Variants in MBP observed in about 807,000 individuals in gnomAD.
MBP encodes myelin basic protein.
A neutral mutation model predicts 35.8 loss-of-function variants in MBP; 16 were observed. That is an observed-to-expected ratio of 0.45 (90% CI 0.30 to 0.68). The LOEUF (loss-of-function observed/expected upper bound fraction) is 0.68. Among genes scored for constraint, MBP ranks in the 30% least tolerant of loss-of-function variants. MBP has a pLI of 0.08. For synonymous variants in MBP, 143 were observed against 159.6 expected, an observed-to-expected ratio of 0.90 and a Z score of 0.78; for missense variants, 380 against 404.7, an observed-to-expected ratio of 0.94 and a Z score of 0.52.
chr18:76,995,335 T>C (rs183080454), intron 4 of MBP, among the ~76,000 whole-genome samples: 1 of 152,328 alleles, frequency 6.6e-6, no homozygotes, highest in African/African-American at 2.4e-5. Context: ...TAGAGACAGG[T>C]GGATTCTAAA....
Position 77,101,145 on chromosome 18 carries a change from G to T in MBP, c.51+4066C>A, listed in dbSNP as rs942700909. Among the ~76,000 whole-genome samples the T allele has an allele frequency of 3.3e-5, 5 of 152,258 alleles. No individual in the cohort carries two copies. Among genetic ancestry groups the T allele is most frequent in the Non-Finnish European group, 7.3e-5 (5 of 68,042 alleles). ...GACCAAGGACTGCCAGGCAGGCAAA[G>T]ACTGCCTAAGACAGGGCATCCCTCT... On this transcript the variant is annotated intron_variant, in intron 2 of 8. Coordinates refer to ENST00000355994, the MANE Select transcript of MBP (RefSeq NM_001025101.2). This position sits in a 1 kb window ranked among gnomAD's most constrained non-coding sequence, Gnocchi z 4.3.
In MBP at chr18:77,060,665, G is replaced by A. The variant is rs1006111828; in HGVS notation, c.139+5633C>T. Among the ~76,000 whole-genome samples the A allele has an allele frequency of 1.5e-4, 23 of 152,022 alleles. 1 individual carries two copies. The highest frequency in any genetic ancestry group is 5.6e-4 in the African/African-American group (23 of 41,372). On this transcript the variant is annotated intron_variant, in intron 3 of 8. Coordinates refer to ENST00000355994, the MANE Select transcript of MBP (RefSeq NM_001025101.2). ...GTGGTTTCCCCGTGTTGGTCAGGCT[G>A]GTCTCGAACTCCTGGCCTCAGGTGA...
Position 77,129,996 on chromosome 18 carries a change from C to T in MBP, c.-26+2584G>A, listed in dbSNP as rs891928682. Among the ~76,000 whole-genome samples, 3 of 150,296 alleles carry T rather than the reference C, an allele frequency of 2.0e-5. No individual in the cohort carries two copies. In the South Asian group the frequency reaches 6.3e-4, roughly 31 times the overall value. On this transcript the variant is annotated intron_variant, in intron 1 of 8. Transcript: ENST00000355994. ...TCCAGAAGGTGGAGGTTGCAGTGAGCCGAGATTGCACCACTGCACTCCAGC... is the reference window on the plus strand; with the variant it reads ...TCCAGAAGGTGGAGGTTGCAGTGAGTCGAGATTGCACCACTGCACTCCAGC...
intron 3 of MBP, among the ~76,000 whole-genome samples, chr18:77,018,098 CATCT>C (rs1298531994): frequency 5.9e-5 from 9 of 152,188 alleles, no homozygotes; most frequent in East Asian, 3.8e-4. Context: ...ACCAGTCATC[CATCT>C]ATCTCTCTAT....
At chr18:77,047,708 C>G (rs1436201777) in intron 3 of MBP, among the ~76,000 whole-genome samples, 1 of 152,072 alleles carries the variant, frequency 6.6e-6, no homozygotes, top group African/African-American at 2.4e-5. Context: ...TTTGTTGCTT[C>G]GACACAACTT....
At chr18:76,987,976 CACAT>C (rs1322894625) in intron 7 of MBP, 2 of 1,232,464 alleles carry the variant, frequency 1.6e-6, no homozygotes. Flanking sequence ...ATTATTTAAA[CACAT>C]ACAAAACAAA....
intron 2 of MBP, among the ~76,000 whole-genome samples, chr18:77,067,648 C>T (rs138659598): frequency 2.6e-5 from 4 of 152,148 alleles, no homozygotes; most frequent in Non-Finnish European, 5.9e-5. Context: ...CCGCGCTGGC[C>T]CTGGTGCTAC....
chr18:77,080,391 C>T (rs1349429039), intron 2 of MBP, among the ~76,000 whole-genome samples: 1 of 152,240 alleles, frequency 6.6e-6, no homozygotes, highest in Admixed American at 6.5e-5. Flanking sequence ...CACTGGGCTC[C>T]TCACCTGGGG....
At chr18:77,091,942 T>G (rs987422216) in intron 2 of MBP, among the ~76,000 whole-genome samples, 2 of 152,154 alleles carry the variant, frequency 1.3e-5, no homozygotes, top group South Asian at 4.1e-4. Flanking sequence ...ATATAAAAAG[T>G]CTCACTTCCA....
chr18:77,044,372 C>T lies in MBP; in HGVS notation c.139+21926G>A, dbSNP rs1049681637. ...CCTCCCCCAACTCTGCTGCAGCTGCCGTGGTGCCAGCCCCCTGCCCCTCTC... is the reference window on the plus strand; with the variant it reads ...CCTCCCCCAACTCTGCTGCAGCTGCTGTGGTGCCAGCCCCCTGCCCCTCTC... On this transcript the variant is annotated intron_variant, in intron 3 of 8. Transcript: ENST00000355994. The surrounding 1 kb of genome is among the most constrained non-coding windows in gnomAD (Gnocchi z 4.4). 1.3e-5 allele frequency among the ~76,000 whole-genome samples: 2 copies of T among 152,060 alleles called. No homozygotes were observed. Among genetic ancestry groups the T allele is most frequent in the African/African-American group, 4.8e-5 (2 of 41,382 alleles).
At position 77,131,391 on chromosome 18, in the gene MBP, ACT is replaced by A. The variant is rs1424225338; in HGVS notation, c.-26+1187_-26+1188del. The A allele has an allele frequency of 9.3e-5, 14 of 150,424 alleles. No homozygotes were observed. Among genetic ancestry groups the A allele is most frequent in the Non-Finnish European group, 1.6e-4 (11 of 67,802 alleles). The allele number at this position is 150,424 out of a possible 1,614,324, so 9.3% of individuals were successfully genotyped here. A position where few individuals can be genotyped will look rare whatever the true frequency, so the allele number is the denominator to read the frequency against. On this transcript the variant is annotated intron_variant, in intron 1 of 8. Transcript: ENST00000355994. This position sits in a 1 kb window ranked among gnomAD's most constrained non-coding sequence, Gnocchi z 5.5. The stretch of plus-strand genomic sequence containing the variant: ...CCCTGACGTTTCCTTCCTCTGAAAA[ACT>A]CTCTTTCCAGGCGGGGCGTTCTGTG...
At chr18:77,063,601 G>A (rs1281891397) in intron 3 of MBP, among the ~76,000 whole-genome samples, 1 of 152,174 alleles carries the variant, frequency 6.6e-6, no homozygotes, top group African/African-American at 2.4e-5. Context: ...CGGTGTCCAA[G>A]GACCTGGGAA....
chr18:76,999,606 A>T (rs1407896434), intron 4 of MBP, among the ~76,000 whole-genome samples: 1 of 151,986 alleles, frequency 6.6e-6, no homozygotes, highest in Non-Finnish European at 1.5e-5. Context: ...GGCATGCACC[A>T]CCATACCTGG....
chr18:76,999,379 G>A (rs1273546885), intron 4 of MBP, among the ~76,000 whole-genome samples: 14 of 152,014 alleles, frequency 9.2e-5, no homozygotes, highest in African/African-American at 2.4e-5. Flanking sequence ...CGCTTGTGAC[G>A]TATAAGGTCA....
intron 4 of MBP, chr18:77,013,326 C>T (rs1971452531): frequency 2.0e-6 from 2 of 985,414 alleles, no homozygotes; most frequent in African/African-American, 3.5e-5. Flanking sequence ...AGGGAGGACA[C>T]CCCTGTGTGT....
chr18:77,007,297 C>T (rs939107625), intron 4 of MBP, among the ~76,000 whole-genome samples: 10 of 152,140 alleles, frequency 6.6e-5, no homozygotes, highest in Non-Finnish European at 1.0e-4. Flanking sequence ...TTCTCAGGGA[C>T]GAGAGAGGGA....
chr18:77,124,743 G>A (rs891373950), intron 1 of MBP, among the ~76,000 whole-genome samples: 3 of 152,214 alleles, frequency 2.0e-5, no homozygotes, highest in Non-Finnish European at 4.4e-5. Context: ...GAGCCAGGTC[G>A]CCTGCAGAGT....
At chr18:77,011,821 T>C (rs1331177667) in intron 4 of MBP, among the ~76,000 whole-genome samples, 1 of 152,250 alleles carries the variant, frequency 6.6e-6, no homozygotes, top group Admixed American at 6.5e-5. Flanking sequence ...GAAAAAACTT[T>C]TAAAAACATT....
At chr18:77,029,296 A>C (rs1256066337) in intron 3 of MBP, among the ~76,000 whole-genome samples, 1 of 149,820 alleles carries the variant, frequency 6.7e-6, no homozygotes, top group African/African-American at 2.4e-5. Context: ...CTGCAATCGC[A>C]GGCACTCGGC....
Sources: gnomAD v4.1 joint callset for allele counts (sites outside exome capture counted in the v4.1 genomes callset) on GRCh38, gnomAD v4.1.1 for gene constraint, Gnocchi (gnomAD v3.1) non-coding constraint, MANE v1.5 for transcripts, NCBI Gene and HGNC (gene_info 2026-07-23, HGNC 2026-07-21) for gene names.